JAZF1: variants seen among roughly 807,000 people sequenced by gnomAD.
JAZF1 encodes JAZF zinc finger 1, also known as juxtaposed with another zinc finger protein 1.
A neutral mutation model predicts 26.4 loss-of-function variants in JAZF1; 8 were observed. The ratio of observed to expected loss-of-function variants is 0.30; its 90% CI spans 0.18 to 0.55. The LOEUF (loss-of-function observed/expected upper bound fraction) is 0.55. JAZF1 is among the 20% of genes least tolerant of loss of function. JAZF1 has a pLI of 0.94. For missense variants in JAZF1, 199 were observed against 322.0 expected, an observed-to-expected ratio of 0.62 and a Z score of 2.92; for synonymous variants, 126 against 122.3, an observed-to-expected ratio of 1.03 and a Z score of -0.20.
intron 2 of JAZF1, among the ~76,000 whole-genome samples, chr7:27,899,533 C>T (rs982396614): frequency 6.6e-6 from 1 of 152,164 alleles, no homozygotes; most frequent in African/African-American, 2.4e-5. Flanking sequence ...CTCCTGGGCT[C>T]AAGCAATCTT....
chr7:28,102,288 G>T (rs1784484397), intron 1 of JAZF1, among the ~76,000 whole-genome samples: 1 of 152,216 alleles, frequency 6.6e-6, no homozygotes, highest in Admixed American at 6.5e-5. Flanking sequence ...CTACAAAAGT[G>T]GAAACAGTAA....
chr7:27,892,704 T>C (rs1189550341), intron 3 of JAZF1, among the ~76,000 whole-genome samples: 1 of 152,190 alleles, frequency 6.6e-6, no homozygotes, highest in Non-Finnish European at 1.5e-5. Context: ...TCCTGGAAAG[T>C]CAATCTTCAC....
At chr7:27,948,305 A>G (rs1353288450) in intron 2 of JAZF1, among the ~76,000 whole-genome samples, 1 of 152,166 alleles carries the variant, frequency 6.6e-6, no homozygotes, top group Non-Finnish European at 1.5e-5. Context: ...ATCATTGCAA[A>G]CACAGCCAAA....
intron 1 of JAZF1, among the ~76,000 whole-genome samples, chr7:28,039,157 G>A (rs911607192): frequency 3.9e-5 from 6 of 152,172 alleles, no homozygotes; most frequent in Non-Finnish European, 8.8e-5. Flanking sequence ...AGAGACCTTG[G>A]AGACTTACTT....
intron 1 of JAZF1, among the ~76,000 whole-genome samples, chr7:28,100,024 T>C (rs569018330): frequency 9.9e-5 from 15 of 152,198 alleles, no homozygotes; most frequent in Non-Finnish European, 1.5e-4. Flanking sequence ...GTACTTAAAG[T>C]CAAGTTTTTG....
intron 4 of JAZF1, among the ~76,000 whole-genome samples, chr7:27,837,664 G>C (rs1027840120): frequency 3.9e-5 from 6 of 152,200 alleles, no homozygotes; most frequent in African/African-American, 1.4e-4. Context: ...GGAGGCACTG[G>C]AGCTGTGCTG....
Position 27,895,331 on chromosome 7 carries a change from C to T in JAZF1, c.274G>A (p.Val92Met), listed in dbSNP as rs1784042871. ...GGAGTGGACACATTCCCTCGAGACA[C>T]TGAGCTGGACAGAGTCAGCGAGAGC... ...PKLSLTLSSS[V>M]SRGNVSTPPR... is the part of the protein sequence containing the mutation. The change falls in exon 3 of 5, where the codon GTG becomes ATG. Residue 92 changes from valine (V) to methionine (M), a missense_variant. By Grantham distance (21) the Val-to-Met change is conservative. This residue lies in a region of JAZF1 where 137 missense variants were observed against 184.8 expected (regional missense o/e 0.74). Coordinates refer to ENST00000283928, the MANE Select transcript of JAZF1 (RefSeq NM_175061.4). 1.2e-6 allele frequency: 2 copies of T among 1,611,392 alleles called. No homozygotes were observed. The highest frequency in any genetic ancestry group is 1.7e-6 in the Non-Finnish European group (2 of 1,178,984).
chr7:27,869,876 C>T (rs1245215104), intron 3 of JAZF1, among the ~76,000 whole-genome samples: 2 of 152,120 alleles, frequency 1.3e-5, no homozygotes, highest in African/African-American at 4.8e-5. Flanking sequence ...CCTAGCCCCT[C>T]CACCATCAAG....
At chr7:27,849,677 C>T (rs1783102487) in intron 3 of JAZF1, among the ~76,000 whole-genome samples, 1 of 151,432 alleles carries the variant, frequency 6.6e-6, no homozygotes, top group South Asian at 2.1e-4. Flanking sequence ...GGCTGGGGAG[C>T]TTCTACTGGT....
At chr7:28,126,419 G>C (rs1358742598) in intron 1 of JAZF1, among the ~76,000 whole-genome samples, 7 of 151,898 alleles carry the variant, frequency 4.6e-5, no homozygotes, top group African/African-American at 1.7e-4. Context: ...TTAATGAGGA[G>C]AGGGGGATGG....
At chr7:28,079,797 T>C (rs41535351) in intron 1 of JAZF1, among the ~76,000 whole-genome samples, 11,144 of 152,298 alleles carry the variant, frequency 0.073, 466 homozygotes, top group South Asian at 0.11. Flanking sequence ...TAACCTTTAT[T>C]GACTGCAGCA....
chr7:27,892,467 T>C (rs916054100), intron 3 of JAZF1, among the ~76,000 whole-genome samples: 3 of 152,240 alleles, frequency 2.0e-5, no homozygotes, highest in African/African-American at 7.2e-5. Flanking sequence ...TTTATTTTCA[T>C]GGGGTCCTAG....
At chr7:28,023,315 C>T (rs1164754869) in intron 1 of JAZF1, among the ~76,000 whole-genome samples, 4 of 152,178 alleles carry the variant, frequency 2.6e-5, no homozygotes, top group African/African-American at 9.7e-5. Flanking sequence ...CCTTGCTAAG[C>T]CTTTGCTCTT....
intron 1 of JAZF1, among the ~76,000 whole-genome samples, chr7:28,104,857 A>C (rs892202064): frequency 1.3e-5 from 2 of 152,322 alleles, no homozygotes; most frequent in African/African-American, 4.8e-5. Context: ...AACAGTGCCT[A>C]TTCTTTCTTT....
intron 1 of JAZF1, among the ~76,000 whole-genome samples, chr7:28,012,653 C>T (rs1782817284): frequency 6.6e-6 from 1 of 152,136 alleles, no homozygotes; most frequent in Admixed American, 6.5e-5. Flanking sequence ...ACTGGCATTT[C>T]CAGTGGAGGG....
chr7:27,903,015 T>TAAAAA (rs60212939), intron 2 of JAZF1, among the ~76,000 whole-genome samples: 2 of 98,952 alleles, frequency 2.0e-5, no homozygotes, highest in African/African-American at 3.8e-5. Context: ...GACTCCGTCT[T>TAAAAA]AAAAAAAAAA....
chr7:28,030,413 C>T (rs1783169514), intron 1 of JAZF1, among the ~76,000 whole-genome samples: 1 of 152,176 alleles, frequency 6.6e-6, no homozygotes, highest in African/African-American at 2.4e-5. Context: ...AATTATAGCG[C>T]TTTATGAAAC....
chr7:28,106,197 C>A (rs1784550910), intron 1 of JAZF1, among the ~76,000 whole-genome samples: 1 of 152,068 alleles, frequency 6.6e-6, no homozygotes, highest in Admixed American at 6.5e-5. Flanking sequence ...ACAAATAAAT[C>A]CCCTAGTATT....
intron 2 of JAZF1, among the ~76,000 whole-genome samples, chr7:27,967,443 G>A (rs1583484663): frequency 1.3e-5 from 2 of 152,070 alleles, no homozygotes; most frequent in African/African-American, 2.4e-5. Context: ...GGAGGGACCC[G>A]AGAGACTAAT....
Sources: allele counts gnomAD v4.1 joint callset (sites outside exome capture counted in the v4.1 genomes callset), GRCh38; gene constraint gnomAD v4.1.1; regional missense constraint gnomAD v4.1.1; transcripts MANE v1.5; gene names NCBI Gene and HGNC (gene_info 2026-07-23, HGNC 2026-07-21).